The following EXOC2 variants were observed in gnomAD, a reference collection of about 807,000 sequenced individuals.
EXOC2 encodes the protein exocyst complex component 2, also known as SEC5-like 1.
EXOC2 carries 70 observed loss-of-function variants against 131.8 expected under a neutral mutation model. The ratio of observed to expected loss-of-function variants is 0.53; its 90% CI spans 0.44 to 0.65. The LOEUF (loss-of-function observed/expected upper bound fraction) is 0.65, where lower values mean the gene tolerates loss of function less well. EXOC2 is among the 30% of genes least tolerant of loss of function. The probability of loss-of-function intolerance (pLI) is 0.00; values close to 1 mark genes in which losing one functional copy is unlikely to be tolerated. For synonymous variants in EXOC2, 411 were observed against 398.4 expected, an observed-to-expected ratio of 1.03 and a Z score of -0.38; for missense variants, 923 against 1,108.6, an observed-to-expected ratio of 0.83 and a Z score of 2.38.
At chr6:678,918 A>G (rs1232617100) in intron 1 of EXOC2, among the ~76,000 whole-genome samples, 1 of 152,210 alleles carries the variant, frequency 6.6e-6, no homozygotes, top group Non-Finnish European at 1.5e-5. Flanking sequence ...CAAAAGCATA[A>G]TGTTCTTGCT....
At chr6:627,248 A>G (rs1257835798) in intron 4 of EXOC2, among the ~76,000 whole-genome samples, 2 of 146,788 alleles carry the variant, frequency 1.4e-5, no homozygotes, top group African/African-American at 2.5e-5. Flanking sequence ...GTATCCAAAA[A>G]AAAAAAAAAA....
At chr6:625,199 C>T (rs938790771) in intron 4 of EXOC2, among the ~76,000 whole-genome samples, 1 of 152,222 alleles carries the variant, frequency 6.6e-6, no homozygotes, top group Non-Finnish European at 1.5e-5. Context: ...GTTCTTCACA[C>T]TTCAGCACTT....
chr6:665,215 A>T (rs1409557689), intron 1 of EXOC2, among the ~76,000 whole-genome samples: 2 of 152,236 alleles, frequency 1.3e-5, no homozygotes, highest in African/African-American at 4.8e-5. Flanking sequence ...GGGAAATGCC[A>T]ATCAAAACCA....
At position 549,195 on chromosome 6, in the gene EXOC2, C is replaced by T. The variant is rs1324947040; in HGVS notation, c.2218G>A (p.Gly740Arg). The T allele has an allele frequency of 1.9e-6, 3 of 1,613,890 alleles. No individual in the cohort carries two copies. Among genetic ancestry groups the T allele is most frequent in the Admixed American group, 1.7e-5 (1 of 60,016 alleles). Residue 740 changes from glycine to arginine, a missense_variant, in exon 22 of 28, where the codon GGA becomes AGA. By Grantham distance (125) the Gly-to-Arg change is moderately radical. Coordinates refer to ENST00000230449, the MANE Select transcript of EXOC2 (RefSeq NM_018303.6). ...CTTACCTGTGTGATTTTTTCTATTC[C>T]CTGGAAGTTGTGCTTTTCAAAATGT... is the stretch of plus-strand genomic sequence containing the variant. ...AEHFEKHNFQ[G>R]IEKITQVSMA...
intron 5 of EXOC2, 119 bp downstream of exon 5, chr6:619,311 G>A (rs1294091563): frequency 2.9e-5 from 20 of 683,242 alleles, no homozygotes; most frequent in Middle Eastern, 2.5e-4. Context: ...CAAAGAGCTC[G>A]CAGACCTAAA....
chr6:562,228 C>T (rs376937273), intron 17 of EXOC2, among the ~76,000 whole-genome samples: 17 of 152,302 alleles, frequency 1.1e-4, no homozygotes, highest in South Asian at 6.2e-4. Context: ...GCCTGGCCAT[C>T]GTCACTGGCA....
chr6:492,568 A>G (rs1239842441), intron 25 of EXOC2, among the ~76,000 whole-genome samples: 2 of 152,244 alleles, frequency 1.3e-5, no homozygotes, highest in African/African-American at 4.8e-5. Context: ...TATTATATGT[A>G]AAAAGAAGCG....
In EXOC2 at chr6:602,511, GAACACCCAAT is replaced by G. The variant is rs1760156589; in HGVS notation, c.743-3296_743-3287del. On this transcript the variant is annotated intron_variant, in intron 7 of 27. Coordinates refer to ENST00000230449, the MANE Select transcript of EXOC2 (RefSeq NM_018303.6). ...AAATCCACACACATTCTCACACCAA[GAACACCCAAT>G]TTTAAGGCAGCTGGTAAGGGTTTGA... 8.3e-5 allele frequency among the ~76,000 whole-genome samples: 3 copies of G among 36,066 alleles called. No homozygotes were observed. The South Asian group carries it at 2.7e-3, about 33-fold the overall frequency. The allele number at this position is 36,066 out of a possible 152,430, so 23.7% of individuals were successfully genotyped here.
intron 21 of EXOC2, among the ~76,000 whole-genome samples, chr6:553,377 CTGTT>C (rs758906321): frequency 1.5e-4 from 19 of 125,324 alleles, no homozygotes; most frequent in Admixed American, 2.7e-4. Flanking sequence ...ATGCATACAT[CTGTT>C]TGTGTATAAG....
chr6:634,207 C>T (rs946652431), intron 2 of EXOC2, among the ~76,000 whole-genome samples: 5 of 151,962 alleles, frequency 3.3e-5, no homozygotes, highest in Middle Eastern at 3.2e-3. Context: ...CTGGGACTAC[C>T]GGTGAGCACC....
intron 25 of EXOC2, among the ~76,000 whole-genome samples, chr6:493,687 C>G (rs111448525): frequency 0.013 from 2,049 of 152,284 alleles, 55 homozygotes; most frequent in African/African-American, 0.046. Flanking sequence ...TGCTATCCCT[C>G]TTAGAGCTAT....
intron 2 of EXOC2, among the ~76,000 whole-genome samples, chr6:634,781 T>C (rs1762020732): frequency 1.3e-5 from 2 of 152,188 alleles, no homozygotes; most frequent in African/African-American, 4.8e-5. Flanking sequence ...ATATATTCAT[T>C]ATTCAAAATT....
In EXOC2 at chr6:511,974, T is replaced by C. The variant is rs147975042; in HGVS notation, c.2381-12274A>G. 2.7e-3 allele frequency among the ~76,000 whole-genome samples: 404 copies of C among 152,354 alleles called. 1 individual carries two copies. Among genetic ancestry groups the C allele is most frequent in the Non-Finnish European group, 3.1e-3 (208 of 68,034 alleles). On this transcript the variant is annotated intron_variant, in intron 23 of 27. Transcript: ENST00000230449. Reference sequence around the variant, plus strand: ...TTATCCAAAAATAAGTGCAACCCCTTTACTCTTCCTGGTATCTTTATCGTT... The same window carrying C: ...TTATCCAAAAATAAGTGCAACCCCTCTACTCTTCCTGGTATCTTTATCGTT...
chr6:617,909 G>A (rs2127677421), intron 5 of EXOC2, 74 bp from the exon 6 acceptor site: 2 of 1,529,030 alleles, frequency 1.3e-6, no homozygotes, highest in Non-Finnish European at 1.8e-6. Context: ...CTTCAGTGGA[G>A]AACACTAAAT....
In EXOC2 at chr6:516,359, G is replaced by A. The variant is rs958338763; in HGVS notation, c.2380+16110C>T. Reference sequence around the variant, plus strand: ...ACATGAAGATGATCCAAACTGCAGCGCTCGTTGTCAGCTTTCAATGTTCCC... The same window carrying A: ...ACATGAAGATGATCCAAACTGCAGCACTCGTTGTCAGCTTTCAATGTTCCC... On this transcript the variant is annotated intron_variant, in intron 23 of 27. Transcript: ENST00000230449. Among the ~76,000 whole-genome samples, 7 of 152,172 alleles carry A rather than the reference G, an allele frequency of 4.6e-5. No homozygotes were observed. In the South Asian group the frequency reaches 6.2e-4, roughly 13 times the overall value.
Position 690,450 on chromosome 6 carries a change from C to T in EXOC2, c.-44+2569G>A, listed in dbSNP as rs143976794. Among the ~76,000 whole-genome samples, 39 of 152,300 alleles carry T rather than the reference C, an allele frequency of 2.6e-4. No homozygotes were observed. In the East Asian group the frequency reaches 5.8e-3, roughly 23 times the overall value. Reference sequence around the variant, plus strand: ...TCCCGGCCCGGCGCAGGGGTTCACGCCTGTAATCCCAGCACTCTGGGAGGC... The same window carrying T: ...TCCCGGCCCGGCGCAGGGGTTCACGTCTGTAATCCCAGCACTCTGGGAGGC... On this transcript the variant is annotated intron_variant, in intron 1 of 27. Transcript: ENST00000230449.
At chr6:514,547 C>A (rs766959727) in intron 23 of EXOC2, among the ~76,000 whole-genome samples, 2 of 152,192 alleles carry the variant, frequency 1.3e-5, no homozygotes, top group Non-Finnish European at 2.9e-5. Context: ...TAAATCCATG[C>A]GCTGCTCCCA....
At chr6:603,419 T>C (rs6597132) in intron 7 of EXOC2, among the ~76,000 whole-genome samples, 13,580 of 152,096 alleles carry the variant, frequency 0.089, 1,033 homozygotes, top group African/African-American at 0.21. Flanking sequence ...TTCACAGCAC[T>C]ATGCCTGACA....
chr6:538,820 T>A (rs1461893387), intron 22 of EXOC2, among the ~76,000 whole-genome samples: 1 of 152,154 alleles, frequency 6.6e-6, no homozygotes, highest in Non-Finnish European at 1.5e-5. Flanking sequence ...ACGCCTATAA[T>A]CCTAGCACGC....
Sources: allele counts gnomAD v4.1 joint callset (sites outside exome capture counted in the v4.1 genomes callset), GRCh38; gene constraint gnomAD v4.1.1; transcripts MANE v1.5; gene names NCBI Gene and HGNC (gene_info 2026-07-23, HGNC 2026-07-21).